The following CTTNBP2 variants were observed in gnomAD, a reference collection of about 807,000 sequenced individuals.
CTTNBP2 encodes cortactin-binding protein 2.
A neutral mutation model predicts 156.9 loss-of-function variants in CTTNBP2; 108 were observed. That is an observed-to-expected ratio of 0.69 (90% CI 0.59 to 0.81). CTTNBP2 has a LOEUF of 0.81. Ranked by LOEUF, CTTNBP2 falls within the 30% of genes least tolerant of loss-of-function variation. The pLI is 0.00. For synonymous variants in CTTNBP2, 767 were observed against 751.8 expected, an observed-to-expected ratio of 1.02 and a Z score of -0.33; for missense variants, 1,924 against 2,035.4, an observed-to-expected ratio of 0.95 and a Z score of 1.05.
At chr7:117,835,945 AT>A (rs1801908974) in intron 2 of CTTNBP2, among the ~76,000 whole-genome samples, 1 of 152,164 alleles carries the variant, frequency 6.6e-6, no homozygotes, top group African/African-American at 2.4e-5. Context: ...CCTACAACTA[AT>A]ACCTAAGTCA....
intron 2 of CTTNBP2, among the ~76,000 whole-genome samples, chr7:117,858,477 T>C (rs1803487109): frequency 1.3e-5 from 2 of 152,250 alleles, no homozygotes; most frequent in African/African-American, 4.8e-5. Context: ...GCATGCCATA[T>C]CTGTGGCCTT....
chr7:117,780,623 A>G (rs774671626), intron 6 of CTTNBP2, 32 bp from the exon 7 acceptor site: 18 of 1,477,430 alleles, frequency 1.2e-5, no homozygotes, highest in Non-Finnish European at 1.2e-5. Flanking sequence ...ATTACATAAA[A>G]CCTGGGTTTG....
At chr7:117,856,469 G>A (rs1803325407) in intron 2 of CTTNBP2, among the ~76,000 whole-genome samples, 1 of 152,182 alleles carries the variant, frequency 6.6e-6, no homozygotes, top group Admixed American at 6.5e-5. Context: ...TATTTATGTT[G>A]AGTCTCTTTC....
At chr7:117,859,118 C>A (rs1476401740) in intron 2 of CTTNBP2, among the ~76,000 whole-genome samples, 1 of 152,034 alleles carries the variant, frequency 6.6e-6, no homozygotes, top group Non-Finnish European at 1.5e-5. Context: ...TTAACAGAAC[C>A]TACTTATACA....
chr7:117,839,006 T>C (rs954060111), intron 2 of CTTNBP2, among the ~76,000 whole-genome samples: 1 of 151,750 alleles, frequency 6.6e-6, no homozygotes, highest in African/African-American at 2.4e-5. Flanking sequence ...CAAAGGATTT[T>C]TTTAAAATCT....
intron 8 of CTTNBP2, among the ~76,000 whole-genome samples, chr7:117,771,963 G>C (rs1208896768): frequency 6.6e-6 from 1 of 152,178 alleles, no homozygotes; most frequent in Non-Finnish European, 1.5e-5. Flanking sequence ...AGAGAGCACA[G>C]GATGTTTGCA....
intron 2 of CTTNBP2, among the ~76,000 whole-genome samples, chr7:117,835,564 C>A (rs551014190): frequency 1.8e-4 from 27 of 152,294 alleles, no homozygotes; most frequent in African/African-American, 5.3e-4. Flanking sequence ...CTTTTTCTGT[C>A]CATAAATGTT....
At chr7:117,869,745 T>C (rs191656089) in intron 1 of CTTNBP2, among the ~76,000 whole-genome samples, 2 of 151,300 alleles carry the variant, frequency 1.3e-5, no homozygotes, top group Non-Finnish European at 2.9e-5. Context: ...ACAATAATAA[T>C]AAAGTTCAAA....
At chr7:117,815,919 T>A (rs1380332709) in intron 2 of CTTNBP2, among the ~76,000 whole-genome samples, 1 of 152,152 alleles carries the variant, frequency 6.6e-6, no homozygotes, top group East Asian at 1.9e-4. Flanking sequence ...GGTACTTGTA[T>A]TTAACTGACG....
In CTTNBP2 at chr7:117,721,170, C is replaced by T. The variant is rs1228693486; in HGVS notation, c.4448-40G>A. 2.6e-6 allele frequency: 3 copies of T among 1,162,434 alleles called. No individual in the cohort carries two copies. In the Admixed American group the frequency reaches 5.2e-5, roughly 20 times the overall value. 72.0% of individuals were successfully genotyped at this position (1,162,434 alleles called of 1,614,324 possible). A position where few individuals can be genotyped will look rare whatever the true frequency, so the allele number is the denominator to read the frequency against. On this transcript the variant is annotated intron_variant, in intron 19 of 22. Coordinates refer to ENST00000160373, the MANE Select transcript of CTTNBP2 (RefSeq NM_033427.3). ...AACCATTTTCAATAGATCATTATCC[C>T]TGTGCCTCTTGAATTCTGTATTTAA...
At chr7:117,720,537 T>C (rs1794725814) in intron 20 of CTTNBP2, among the ~76,000 whole-genome samples, 1 of 151,832 alleles carries the variant, frequency 6.6e-6, no homozygotes, top group African/African-American at 2.4e-5. Context: ...CTACTAAAAA[T>C]ACAAAAATTA....
At chr7:117,801,351 A>T (rs1799594645) in intron 3 of CTTNBP2, among the ~76,000 whole-genome samples, 1 of 152,234 alleles carries the variant, frequency 6.6e-6, no homozygotes, top group Non-Finnish European at 1.5e-5. Context: ...ACATTAGACA[A>T]ACTTGAATTG....
chr7:117,853,049 C>CGGACATATAA (rs1485001334), intron 2 of CTTNBP2, among the ~76,000 whole-genome samples: 1 of 152,016 alleles, frequency 6.6e-6, no homozygotes, highest in African/African-American at 2.4e-5. Context: ...TATGAAGTGC[C>CGGACATATAA]GGACATATAA....
chr7:117,854,270 G>A (rs754023618), intron 2 of CTTNBP2, among the ~76,000 whole-genome samples: 1 of 152,160 alleles, frequency 6.6e-6, no homozygotes, highest in Non-Finnish European at 1.5e-5. Context: ...AGCACAAAAA[G>A]GGTATGTTTT....
chr7:117,871,816 CA>C lies in CTTNBP2; in HGVS notation c.81+1518del, dbSNP rs1398258837. On this transcript the variant is annotated intron_variant, in intron 1 of 22. Coordinates refer to ENST00000160373, the MANE Select transcript of CTTNBP2 (RefSeq NM_033427.3). ...CACCACACACACACACACACACACA[CA>C]CCCTCTTTCTTTTTCGTCCTTCCCC... 285 of 405,088 alleles carry C rather than the reference CA, an allele frequency of 7.0e-4. 3 individuals carry two copies. The highest frequency in any genetic ancestry group is 6.3e-3 in the African/African-American group (242 of 38,668). 25.1% of individuals were successfully genotyped at this position (405,088 alleles called of 1,614,324 possible). A position where few individuals can be genotyped will look rare whatever the true frequency, so the allele number is the denominator to read the frequency against.
intron 14 of CTTNBP2, among the ~76,000 whole-genome samples, chr7:117,739,348 T>C (rs1795871690): frequency 6.6e-6 from 1 of 152,138 alleles, no homozygotes; most frequent in Non-Finnish European, 1.5e-5. Flanking sequence ...CAGCTGCAGG[T>C]TCCTTTTTAC....
intron 2 of CTTNBP2, among the ~76,000 whole-genome samples, chr7:117,841,151 T>C (rs1435416837): frequency 6.6e-6 from 1 of 152,218 alleles, no homozygotes; most frequent in Non-Finnish European, 1.5e-5. Flanking sequence ...CATTGTTTTG[T>C]AGTTCTGCAA....
At chr7:117,817,629 C>T (rs912347230) in intron 2 of CTTNBP2, among the ~76,000 whole-genome samples, 4 of 151,614 alleles carry the variant, frequency 2.6e-5, no homozygotes, top group African/African-American at 9.7e-5. Flanking sequence ...AGAACTTGCA[C>T]TGTGAGTCAT....
intron 2 of CTTNBP2, among the ~76,000 whole-genome samples, chr7:117,845,466 T>G (rs1802528269): frequency 6.6e-6 from 1 of 152,192 alleles, no homozygotes; most frequent in Admixed American, 6.5e-5. Flanking sequence ...TCCTCTTTTG[T>G]GTCTTTGAAG....
Sources: gnomAD v4.1 joint callset for allele counts (sites outside exome capture counted in the v4.1 genomes callset) on GRCh38, gnomAD v4.1.1 for gene constraint, MANE v1.5 for transcripts, NCBI Gene and HGNC (gene_info 2026-07-23, HGNC 2026-07-21) for gene names.